Variants in FRAS1 observed in about 807,000 individuals in gnomAD.
FRAS1 encodes the protein extracellular matrix organizing protein FRAS1.
A neutral mutation model predicts 435.2 loss-of-function variants in FRAS1; 290 were observed. That is an observed-to-expected ratio of 0.67 (90% CI 0.61 to 0.73). The LOEUF is 0.73. Ranked by LOEUF, FRAS1 falls within the 30% of genes least tolerant of loss-of-function variation. The probability of loss-of-function intolerance (pLI) is 0.00; values close to 1 mark genes in which losing one functional copy is unlikely to be tolerated. For synonymous variants in FRAS1, 1,800 were observed against 1,851.0 expected (o/e 0.97, Z 0.71); for missense variants, 4,860 against 5,001.5 (o/e 0.97, Z 0.85).
At chr4:78,318,339 A>G (rs1729360548) in intron 17 of FRAS1, among the ~76,000 whole-genome samples, 1 of 152,216 alleles carries the variant, frequency 6.6e-6, no homozygotes, top group Non-Finnish European at 1.5e-5. Context: ...AAATTCTAAG[A>G]GGAATTTGTT....
At chr4:78,065,081 T>TATATATATATACACACACACACAC (rs762909923) in intron 1 of FRAS1, among the ~76,000 whole-genome samples, 1 of 125,692 alleles carries the variant, frequency 8.0e-6, no homozygotes, top group African/African-American at 3.0e-5. Context: ...TATATATATA[T>TATATATATATACACACACACACAC]ATACATACAC....
At chr4:78,427,253 G>A (rs553481025) in intron 35 of FRAS1, among the ~76,000 whole-genome samples, 130 of 152,216 alleles carry the variant, frequency 8.5e-4, no homozygotes, top group Non-Finnish European at 1.6e-3. Flanking sequence ...CCCTCGCCAC[G>A]TGACTGCCTA....
In FRAS1 at chr4:78,472,123, T is replaced by C. The variant is rs184745105; in HGVS notation, c.7372-57T>C. ...ACTGAATTAAATCTGAGTCAGAGGG[T>C]CTTGTTCCTGCTTTATTCCCACCTC... On this transcript the variant is annotated intron_variant, in intron 51 of 73. Coordinates refer to ENST00000512123, the MANE Select transcript of FRAS1 (RefSeq NM_025074.7). 18 of 1,536,502 alleles carry C rather than the reference T, an allele frequency of 1.2e-5. 1 individual carries two copies. In the Admixed American group the frequency reaches 2.2e-4, roughly 19 times the overall value.
chr4:78,308,735 C>T (rs1374431076), intron 15 of FRAS1, among the ~76,000 whole-genome samples: 3 of 152,212 alleles, frequency 2.0e-5, no homozygotes, highest in East Asian at 1.9e-4. Flanking sequence ...GAACCAGGCA[C>T]GGTTCCAAGT....
At chr4:78,066,899 G>A (rs1397645425) in intron 2 of FRAS1, among the ~76,000 whole-genome samples, 1 of 152,052 alleles carries the variant, frequency 6.6e-6, no homozygotes, top group African/African-American at 2.4e-5. Flanking sequence ...TAATATCCTT[G>A]AATCTGCACT....
At chr4:78,134,906 C>A (rs1719856965) in intron 2 of FRAS1, among the ~76,000 whole-genome samples, 1 of 152,204 alleles carries the variant, frequency 6.6e-6, no homozygotes, top group South Asian at 2.1e-4. Flanking sequence ...AGATTTGAAC[C>A]CTCATGCCTG....
chr4:78,208,873 ACACCTGTAATCC>A (rs1264430844), intron 2 of FRAS1, among the ~76,000 whole-genome samples: 1 of 152,184 alleles, frequency 6.6e-6, no homozygotes, highest in Non-Finnish European at 1.5e-5. Context: ...GCATCAGATC[ACACCTGTAATCC>A]CAGCACTTTG....
intron 2 of FRAS1, among the ~76,000 whole-genome samples, chr4:78,179,258 C>G (rs748902401): frequency 7.2e-5 from 11 of 152,230 alleles, no homozygotes; most frequent in Non-Finnish European, 1.5e-4. Context: ...AGTTGAGGCC[C>G]TGTTGGATCA....
Position 78,308,157 on chromosome 4 carries a change from C to T in FRAS1, c.1626C>T (p.Gly542=). 1 of 1,613,942 alleles carries T rather than the reference C, an allele frequency of 6.2e-7. No individual in the cohort carries two copies. Among genetic ancestry groups the T allele is most frequent in the Non-Finnish European group, 8.5e-7 (1 of 1,179,868 alleles). Residue 542 remains glycine, a synonymous_variant, in exon 15 of 74, where the codon GGC becomes GGT. Transcript: ENST00000512123. Reference sequence around the variant, plus strand: ...CCCTCCACGTGCTGAGAGATGGCGGCTGTGAGAGCAGCTGTGGAAAAGGCT... The same window carrying T: ...CCCTCCACGTGCTGAGAGATGGCGGTTGTGAGAGCAGCTGTGGAAAAGGCT... ...RDPLHVLRDG[G]CESSCGKGFY... is the part of the protein sequence containing the mutation.
In FRAS1 at chr4:78,515,828, G is replaced by A. The variant is rs1578368803; in HGVS notation, c.10204G>A (p.Asp3402Asn). ...EAGFLDDVVY[D>N]STALGPGYDR... The stretch of plus-strand genomic sequence containing the variant: ...AGGGTTCCTGGATGATGTGGTCTAT[G>A]ATAGCACTGCCCTGGGGCCTGGCTA... Residue 3402 changes from aspartate (D) to asparagine (N), a missense_variant, in exon 66 of 74, where the codon GAT (aspartate) becomes AAT (asparagine). Asp to Asn is a conservative substitution (Grantham distance 23). Coordinates refer to ENST00000512123, the MANE Select transcript of FRAS1 (RefSeq NM_025074.7). 19 of 1,613,866 alleles carry A rather than the reference G, an allele frequency of 1.2e-5. No individual in the cohort carries two copies. The East Asian group carries it at 4.2e-4, about 36-fold the overall frequency.
At chr4:78,465,034 T>C (rs4975119) in intron 49 of FRAS1, among the ~76,000 whole-genome samples, 49,751 of 152,114 alleles carry the variant, frequency 0.33, 8,335 homozygotes, top group Non-Finnish European at 0.36. Flanking sequence ...GACTAGGCTT[T>C]GTGCAGTAAA....
chr4:78,332,547 C>G (rs922183466), intron 18 of FRAS1, among the ~76,000 whole-genome samples: 1 of 152,304 alleles, frequency 6.6e-6, no homozygotes, highest in East Asian at 1.9e-4. Context: ...GTGTCCAGCA[C>G]TATCCTAAGA....
chr4:78,156,079 G>C (rs1720869862), intron 2 of FRAS1, among the ~76,000 whole-genome samples: 1 of 152,136 alleles, frequency 6.6e-6, no homozygotes, highest in African/African-American at 2.4e-5. Flanking sequence ...TCAAGCCTTT[G>C]GCTGTTTCTG....
At chr4:78,100,374 A>G (rs1012987858) in intron 2 of FRAS1, among the ~76,000 whole-genome samples, 2 of 152,234 alleles carry the variant, frequency 1.3e-5, no homozygotes, top group Admixed American at 1.3e-4. Context: ...TCAGGCCAAG[A>G]AACAGTCAGT....
chr4:78,277,735 A>T (rs1454043353), intron 9 of FRAS1, among the ~76,000 whole-genome samples: 1 of 152,162 alleles, frequency 6.6e-6, no homozygotes, highest in Admixed American at 6.5e-5. Context: ...GATATTGGGA[A>T]ATGAAAATGA....
At chr4:78,264,770 T>C in intron 6 of FRAS1, 1 of 517,266 alleles carries the variant, frequency 1.9e-6, no homozygotes, top group Non-Finnish European at 3.6e-6. Flanking sequence ...ACCATTATTA[T>C]TGTTATTTGT....
intron 40 of FRAS1, among the ~76,000 whole-genome samples, chr4:78,440,954 A>T (rs990755153): frequency 6.6e-6 from 1 of 152,200 alleles, no homozygotes. Context: ...AGAAGTCATC[A>T]TGTCTGACTG....
At chr4:78,205,206 T>G (rs1440264177) in intron 2 of FRAS1, among the ~76,000 whole-genome samples, 1 of 143,470 alleles carries the variant, frequency 7.0e-6, no homozygotes, top group Non-Finnish European at 1.6e-5. Context: ...TTTTTTTTTT[T>G]GTTTTGTTTT....
intron 29 of FRAS1, among the ~76,000 whole-genome samples, chr4:78,389,382 A>T (rs571882673): frequency 5.9e-5 from 9 of 152,228 alleles, no homozygotes; most frequent in Non-Finnish European, 8.8e-5. Flanking sequence ...AAAATTTGCG[A>T]TTGATCCGAT....
Sources: gnomAD v4.1 joint callset for allele counts (sites outside exome capture counted in the v4.1 genomes callset) on GRCh38, gnomAD v4.1.1 for gene constraint, MANE v1.5 for transcripts, NCBI Gene and HGNC (gene_info 2026-07-23, HGNC 2026-07-21) for gene names.